Variants in OSBP2 observed in about 807,000 individuals in gnomAD.
OSBP2 encodes oxysterol binding protein 2, also known as oxysterol-binding protein 2.
In OSBP2, 66 loss-of-function variants were observed where a neutral mutation model predicts 96.0. The observed-to-expected ratio is 0.69, with a 90% CI of 0.56 to 0.84. OSBP2 has a LOEUF of 0.84. Among genes scored for constraint, OSBP2 ranks in the 40% least tolerant of loss-of-function variants. The pLI is 0.00. For synonymous variants in OSBP2, 525 were observed against 520.9 expected (o/e 1.01, Z -0.11); for missense variants, 1,038 against 1,222.7 (o/e 0.85, Z 2.25).
rs537647977 is a variant in OSBP2 at position 30,713,840 on chromosome 22, C to T, written c.644+18287C>T. On this transcript the variant is annotated intron_variant, in intron 1 of 13. Transcript: ENST00000332585. ...GTGATATTTTGGCTCATGTATACCA[C>T]GTGTAATGATCAAATCAAAGTAACT... Among the ~76,000 whole-genome samples, 47 of 152,218 alleles carry T rather than the reference C, an allele frequency of 3.1e-4. 1 individual carries two copies. In the South Asian group the frequency reaches 8.7e-3, roughly 28 times the overall value.
chr22:30,786,381 CT>C (rs2090590832), intron 2 of OSBP2, among the ~76,000 whole-genome samples: 1 of 152,132 alleles, frequency 6.6e-6, no homozygotes, highest in Admixed American at 6.6e-5. Context: ...GTACATCTCT[CT>C]GTGCCAGACA....
chr22:30,847,173 T>G (rs2038887188), intron 2 of OSBP2, among the ~76,000 whole-genome samples: 1 of 152,060 alleles, frequency 6.6e-6, no homozygotes, highest in Admixed American at 6.6e-5. Context: ...AGATGAGGTT[T>G]CACTTTGTTG....
At chr22:30,750,648 G>T (rs928818142) in intron 2 of OSBP2, among the ~76,000 whole-genome samples, 5 of 152,222 alleles carry the variant, frequency 3.3e-5, no homozygotes, top group Non-Finnish European at 7.3e-5. Flanking sequence ...TCCAAAGCCT[G>T]CTACCTGGAG....
intron 2 of OSBP2, chr22:30,764,167 GCCTAC>G: frequency 1.8e-5 from 16 of 913,208 alleles, no homozygotes; most frequent in Non-Finnish European, 2.1e-5. Flanking sequence ...CCCTAGGCTC[GCCTAC>G]CCTCCATTGA....
At chr22:30,903,811 T>TA (rs1433323270) in intron 12 of OSBP2, among the ~76,000 whole-genome samples, 1 of 152,248 alleles carries the variant, frequency 6.6e-6, no homozygotes, top group Non-Finnish European at 1.5e-5. Context: ...CATAATGAGA[T>TA]ACTGTGCTTC....
At chr22:30,734,093 G>C (rs1040462406) in intron 1 of OSBP2, among the ~76,000 whole-genome samples, 1 of 152,048 alleles carries the variant, frequency 6.6e-6, no homozygotes, top group African/African-American at 2.4e-5. Flanking sequence ...TCCTGCCTCA[G>C]CCTCCTGAGT....
At chr22:30,792,315 C>CAA (rs532658929) in intron 2 of OSBP2, among the ~76,000 whole-genome samples, 3 of 125,628 alleles carry the variant, frequency 2.4e-5, no homozygotes, top group South Asian at 2.5e-4. Flanking sequence ...TCTACTGTCT[C>CAA]AAAAAAAAAA....
At position 30,907,623 on chromosome 22, in the gene OSBP2, T is replaced by TTA. The variant is rs1228975675; in HGVS notation, c.*1293_*1294dup. 2.0e-5 allele frequency: 3 copies of TTA among 152,362 alleles called. No homozygotes were observed. Among genetic ancestry groups the TTA allele is most frequent in the Admixed American group, 6.6e-5 (1 of 15,248 alleles). The allele number at this position is 152,362 out of a possible 1,614,324, so 9.4% of individuals were successfully genotyped here. ...TTCTACTCCAGGACTGGTTTTGTTT[T>TTA]TATATATATAAAAAAAAAAAGTGAA... On this transcript the variant is annotated 3_prime_UTR_variant, in exon 14 of 14. Transcript: ENST00000332585.
intron 2 of OSBP2, among the ~76,000 whole-genome samples, chr22:30,760,366 A>G (rs934137642): frequency 2.6e-5 from 4 of 152,196 alleles, no homozygotes; most frequent in Non-Finnish European, 5.9e-5. Context: ...CTTCGGACCA[A>G]TATTTCTCAT....
chr22:30,710,950 G>A (rs111245774), intron 1 of OSBP2, among the ~76,000 whole-genome samples: 7,424 of 151,890 alleles, frequency 0.049, 613 homozygotes, highest in African/African-American at 0.17. Context: ...CACCATGTTG[G>A]CCAGGCTGGT....
In OSBP2 at chr22:30,871,221, G is replaced by C. The variant is rs890958856; in HGVS notation, c.1107+539G>C. On this transcript the variant is annotated intron_variant, in intron 3 of 13. Coordinates refer to ENST00000332585, the MANE Select transcript of OSBP2 (RefSeq NM_030758.4). The surrounding 1 kb of genome is among the most constrained non-coding windows in gnomAD (Gnocchi z 4.7). ...GCCAACCTGATGGTAGACAAAGCAG[G>C]TAACCGCAGTTGTAAACTAAGCAGC... Among the ~76,000 whole-genome samples, 1 of 152,124 alleles carries C rather than the reference G, an allele frequency of 6.6e-6. No individual in the cohort carries two copies. Among genetic ancestry groups the C allele is most frequent in the African/African-American group, 2.4e-5 (1 of 41,404 alleles).
Position 30,906,452 on chromosome 22 carries a change from A to C in OSBP2, c.*113A>C. The C allele has an allele frequency of 3.9e-6, 5 of 1,271,620 alleles. No individual in the cohort carries two copies. The highest frequency in any genetic ancestry group is 2.1e-6 in the Non-Finnish European group (2 of 957,864). 78.8% of individuals were successfully genotyped at this position (1,271,620 alleles called of 1,614,324 possible). On this transcript the variant is annotated 3_prime_UTR_variant, in exon 14 of 14. Coordinates refer to ENST00000332585, the MANE Select transcript of OSBP2 (RefSeq NM_030758.4). ...TCCCAGCCCATTCCCAGCCCTTCCT[A>C]TTTCCTTTCCTATTTTTTTTTTCTC...
At chr22:30,885,129 G>A (rs1240253774) in intron 3 of OSBP2, among the ~76,000 whole-genome samples, 1 of 152,198 alleles carries the variant, frequency 6.6e-6, no homozygotes, top group Non-Finnish European at 1.5e-5. Flanking sequence ...TTGTCCCTGT[G>A]TCACAGGTGA....
At chr22:30,815,021 C>CTTTG (rs2091064974) in intron 2 of OSBP2, among the ~76,000 whole-genome samples, 1 of 152,124 alleles carries the variant, frequency 6.6e-6, no homozygotes, top group Admixed American at 6.5e-5. Flanking sequence ...GTGGCTCACA[C>CTTTG]CTGTAATCCC....
intron 2 of OSBP2, among the ~76,000 whole-genome samples, chr22:30,808,498 C>T (rs73154661): frequency 4.4e-3 from 676 of 152,236 alleles, no homozygotes; most frequent in Non-Finnish European, 7.7e-3. Flanking sequence ...TAGAGTGAGA[C>T]CCTGTCTCAA....
intron 2 of OSBP2, among the ~76,000 whole-genome samples, chr22:30,848,022 T>C (rs1322706689): frequency 2.0e-5 from 3 of 152,208 alleles, no homozygotes; most frequent in Non-Finnish European, 4.4e-5. Context: ...AATTATAGTA[T>C]ACATACTGTT....
At chr22:30,711,049 A>G (rs1290650530) in intron 1 of OSBP2, among the ~76,000 whole-genome samples, 1 of 152,104 alleles carries the variant, frequency 6.6e-6, no homozygotes, top group Non-Finnish European at 1.5e-5. Flanking sequence ...CCAGCCTTGT[A>G]CTTGTCTTGT....
intron 2 of OSBP2, among the ~76,000 whole-genome samples, chr22:30,815,975 T>C (rs2091078650): frequency 6.6e-6 from 1 of 152,220 alleles, no homozygotes; most frequent in East Asian, 1.9e-4. Context: ...GGAGTCAGAT[T>C]ACTGAGTTAA....
At chr22:30,796,266 C>T (rs1430229909) in intron 2 of OSBP2, among the ~76,000 whole-genome samples, 1 of 152,136 alleles carries the variant, frequency 6.6e-6, no homozygotes, top group East Asian at 1.9e-4. Flanking sequence ...GGATCGACCT[C>T]ACTGAGGGCC....
Sources: gnomAD v4.1 joint callset for allele counts (sites outside exome capture counted in the v4.1 genomes callset) on GRCh38, gnomAD v4.1.1 for gene constraint, Gnocchi (gnomAD v3.1) non-coding constraint, MANE v1.5 for transcripts, NCBI Gene and HGNC (gene_info 2026-07-23, HGNC 2026-07-21) for gene names.